UBA1: variants seen among roughly 807,000 people sequenced by gnomAD.
The protein encoded by UBA1 is ubiquitin-like modifier-activating enzyme 1.
A neutral mutation model predicts 84.7 loss-of-function variants in UBA1; 4 were observed. The ratio of observed to expected loss-of-function variants is 0.05; its 90% CI spans 0.02 to 0.11. The LOEUF is 0.11. UBA1 is among the 10% of genes least tolerant of loss of function. UBA1 has a pLI of 1.00. For missense variants in UBA1, 513 were observed against 902.8 expected (o/e 0.57, Z 5.53); for synonymous variants, 364 against 362.6 (o/e 1.00, Z -0.04).
At chrX:47,213,792 G>C (rs1459349463) in intron 23 of UBA1, among the ~76,000 whole-genome samples, 1 of 110,955 alleles carries the variant, frequency 9.0e-6, no homozygotes, top group Admixed American at 9.5e-5. Context: ...ACTTGAACCC[G>C]GGAGGCGGAG....
Position 47,214,973 on chromosome X carries a change from A to G in UBA1, c.*44A>G, listed in dbSNP as rs374376085. Reference sequence around the variant, plus strand: ...GCTGGCCCCTTGTCCACCCCTCTCCACACCCCTTCCAGCCCAGGGTTCCCA... The same window carrying G: ...GCTGGCCCCTTGTCCACCCCTCTCCGCACCCCTTCCAGCCCAGGGTTCCCA... On this transcript the variant is annotated 3_prime_UTR_variant, in exon 26 of 26. Transcript: ENST00000335972. The G allele has an allele frequency of 7.5e-6, 9 of 1,201,960 alleles. No individual in the cohort carries two copies. Among genetic ancestry groups the G allele is most frequent in the Middle Eastern group, 2.5e-4 (1 of 4,071 alleles).
chrX:47,197,183 C>G (rs1340223516), intron 1 of UBA1: 1 of 753,981 alleles, frequency 1.3e-6, no homozygotes, highest in African/African-American at 2.3e-5. Context: ...ATCTCCCATT[C>G]CTTAGCCCTG....
chrX:47,198,773 A>G, intron 1 of UBA1, 30 bp from the exon 2 acceptor site: 1 of 1,191,867 alleles, frequency 8.4e-7, no homozygotes, highest in South Asian at 1.8e-5. Context: ...CATGTGCTCC[A>G]GGGTCACCTC....
chrX:47,213,166 C>A lies in UBA1; in HGVS notation c.2823C>A (p.Ala941=). Residue 941 remains alanine (A), a synonymous_variant, in exon 23 of 26, where the codon GCC becomes GCA. Coordinates refer to ENST00000335972, the MANE Select transcript of UBA1 (RefSeq NM_003334.4). ...TCTTTGGTTTCTCTGAACCCCTTGC[C>A]GCACCACGTCACCAGGTGGGGGCCT... is the stretch of plus-strand genomic sequence containing the variant. The part of the protein sequence containing the change: ...LPFFGFSEPL[A]APRHQYYNQE... 1 of 1,210,910 alleles carries A rather than the reference C, an allele frequency of 8.3e-7. No homozygotes were observed. The highest frequency in any genetic ancestry group is 1.7e-5 in the African/African-American group (1 of 57,742).
At chrX:47,191,941 G>GCT (rs1936071173), upstream of UBA1, among the ~76,000 whole-genome samples, 1 of 111,937 alleles carries the variant, frequency 8.9e-6, no homozygotes, top group African/African-American at 3.2e-5. Flanking sequence ...TAATCAGCCG[G>GCT]CTCTGGATTC....
intron 1 of UBA1, 115 bp from the exon 2 acceptor site, chrX:47,198,688 C>G (rs1936291914): frequency 1.4e-6 from 1 of 707,360 alleles, no homozygotes; most frequent in Non-Finnish European, 2.2e-6. Context: ...CCCCTCTTTG[C>G]TGTAAAATGG....
At chrX:47,206,652 T>C (rs187335904) in intron 16 of UBA1, 126 of 440,828 alleles carry the variant, frequency 2.9e-4, no homozygotes, top group Non-Finnish European at 4.2e-4. Context: ...GATTTTTTTT[T>C]CAACACATAG....
At chrX:47,194,401 C>G (rs1602617136) in intron 1 of UBA1, among the ~76,000 whole-genome samples, 2 of 112,416 alleles carry the variant, frequency 1.8e-5, no homozygotes, top group Non-Finnish European at 3.8e-5. Context: ...CCATTGAATG[C>G]CGTTAAAGAC....
chrX:47,206,100 C>A lies in UBA1; in HGVS notation c.1728C>A (p.Asp576Glu). Residue 576 changes from aspartate (D) to glutamate (E), a missense_variant, in exon 15 of 26, where the codon GAC (aspartate) becomes GAA (glutamate). Asp to Glu is a conservative substitution (Grantham distance 45). This residue lies in a region of UBA1 where 55 missense variants were observed against 104.8 expected (regional missense o/e 0.52). Transcript: ENST00000335972. ...QNLDGVANAL[D>E]NVDARMYMDR... Reference sequence around the variant, plus strand: ...TAGATGGCGTGGCCAATGCCCTGGACAACGTGGATGCCCGTGAGTTTGGAG... The same window carrying A: ...TAGATGGCGTGGCCAATGCCCTGGAAAACGTGGATGCCCGTGAGTTTGGAG... The A allele has an allele frequency of 8.3e-7, 1 of 1,203,600 alleles. No homozygotes were observed. Among genetic ancestry groups the A allele is most frequent in the Admixed American group, 2.2e-5 (1 of 45,146 alleles).
At chrX:47,195,899 AT>A (rs1471930289) in intron 1 of UBA1, among the ~76,000 whole-genome samples, 1 of 110,583 alleles carries the variant, frequency 9.0e-6, no homozygotes, top group Admixed American at 9.6e-5. Context: ...CCTATCTATT[AT>A]TTTTGGTTAA....
intron 1 of UBA1, among the ~76,000 whole-genome samples, chrX:47,195,136 C>T (rs1466939757): frequency 8.9e-6 from 1 of 112,107 alleles, no homozygotes; most frequent in East Asian, 2.8e-4. Flanking sequence ...CAGATCGTTT[C>T]AAGGTCCCTA....
At chrX:47,195,986 TC>T (rs1290236253) in intron 1 of UBA1, among the ~76,000 whole-genome samples, 1 of 110,367 alleles carries the variant, frequency 9.1e-6, no homozygotes, top group African/African-American at 3.3e-5. Flanking sequence ...AGGCTGCCTC[TC>T]CCCCCAGACC....
In UBA1 at chrX:47,203,199, G is replaced by T. The variant is rs782565391; in HGVS notation, c.1404G>T (p.Lys468Asn). 8.2e-7 allele frequency: 1 copy of T among 1,212,167 alleles called. No homozygotes were observed. ...FGSDLQEKLG[K>N]QKYFLVGAGA... is the part of the protein sequence containing the mutation. ...CAGACCTGCAAGAGAAGCTGGGCAA[G>T]CAGAAGTATTTCCTGGTAAGTGGTC... Residue 468 changes from lysine to asparagine, a missense_variant, in exon 13 of 26, where the codon AAG becomes AAT. Lys to Asn is a moderately conservative substitution (Grantham distance 94). Transcript: ENST00000335972.
At chrX:47,197,179 C>T (rs1204702968) in intron 1 of UBA1, 37 of 753,940 alleles carry the variant, frequency 4.9e-5, no homozygotes, top group Non-Finnish European at 5.5e-5. Context: ...CCTCATCTCC[C>T]ATTCCTTAGC....
chrX:47,195,629 A>T (rs1274330992), intron 1 of UBA1, among the ~76,000 whole-genome samples: 1 of 110,609 alleles, frequency 9.0e-6, no homozygotes, highest in Non-Finnish European at 1.9e-5. Context: ...GGTCCTACAT[A>T]ATTGGTCAGA....
chrX:47,202,696 C>G lies in UBA1; in HGVS notation c.1115C>G (p.Ala372Gly), dbSNP rs782051479. ...GCTGTGAATGCTCGAGCCCTGCCAG[C>G]AGTGCAGCAAAATAACCTGGACGAG... is the stretch of plus-strand genomic sequence containing the variant. ...AQAVNARALPAVQQNNLDEDL... is the reference protein window; with the variant it reads ...AQAVNARALPGVQQNNLDEDL... The change falls in exon 11 of 26, where the codon GCA becomes GGA. Residue 372 changes from alanine to glycine, a missense_variant. Physicochemically the swap from Ala to Gly is moderately conservative, Grantham distance 60. Around this residue, in one of 6 missense-constraint regions of UBA1, gnomAD observed 227 missense variants for 339.1 expected, o/e 0.67. Coordinates refer to ENST00000335972, the MANE Select transcript of UBA1 (RefSeq NM_003334.4). 3 of 1,212,190 alleles carry G rather than the reference C, an allele frequency of 2.5e-6. No individual in the cohort carries two copies. The highest frequency in any genetic ancestry group is 1.1e-6 in the Non-Finnish European group (1 of 895,516).
chrX:47,212,901 AG>A, intron 22 of UBA1, 38 bp downstream of exon 22: 1 of 1,206,524 alleles, frequency 8.3e-7, no homozygotes, highest in Non-Finnish European at 1.1e-6. Context: ...ACCCTCCTCC[AG>A]GTTTGAGTTA....
rs782648373 is a variant in UBA1, at chrX:47,203,026, C to T, written c.1317C>T (p.Leu439=). Residue 439 remains leucine, a synonymous_variant, in exon 12 of 26, where the codon CTC becomes CTT. Transcript: ENST00000335972. The part of the protein sequence containing the change: ...LECLPEDKEV[L]TEDKCLQRQN... Reference sequence around the variant, plus strand: ...GTCTCCCTGAGGACAAAGAGGTCCTCACAGAGGACAAGTGCCTCCAGGTAT... The same window carrying T: ...GTCTCCCTGAGGACAAAGAGGTCCTTACAGAGGACAAGTGCCTCCAGGTAT... 5.0e-6 allele frequency: 6 copies of T among 1,211,091 alleles called. 1 individual carries two copies. In the South Asian group the frequency reaches 1.1e-4, roughly 21 times the overall value.
At chrX:47,198,321 G>A (rs1556786203) in intron 1 of UBA1, 2 of 968,818 alleles carry the variant, frequency 2.1e-6, no homozygotes, top group Non-Finnish European at 2.7e-6. Flanking sequence ...TCTATGCTCT[G>A]TGTTATTTAT....
Sources: allele counts gnomAD v4.1 joint callset (sites outside exome capture counted in the v4.1 genomes callset), GRCh38; gene constraint gnomAD v4.1.1; regional missense constraint gnomAD v4.1.1; transcripts MANE v1.5; gene names NCBI Gene and HGNC (gene_info 2026-07-23, HGNC 2026-07-21).